HTR4: variants seen among roughly 807,000 people sequenced by gnomAD.
HTR4 encodes the protein 5-hydroxytryptamine (serotonin) receptor 4, G protein-coupled.
HTR4 carries 16 observed loss-of-function variants against 36.8 expected under a neutral mutation model. That is an observed-to-expected ratio of 0.43 (90% CI 0.29 to 0.66). The LOEUF (loss-of-function observed/expected upper bound fraction) is 0.66. Among genes scored for constraint, HTR4 ranks in the 30% least tolerant of loss-of-function variants. HTR4 has a pLI of 0.13. For synonymous variants in HTR4, 189 were observed against 185.1 expected, an observed-to-expected ratio of 1.02 and a Z score of -0.17; for missense variants, 438 against 490.9, an observed-to-expected ratio of 0.89 and a Z score of 1.02.
At chr5:148,476,746 C>T, downstream of HTR4, 2 of 1,613,268 alleles carry the variant, frequency 1.2e-6, no homozygotes, top group Non-Finnish European at 1.7e-6. Flanking sequence ...AGCTCAAAAT[C>T]TGGTAGGAGA....
At chr5:148,597,299 G>T (rs1297153255) in intron 2 of HTR4, among the ~76,000 whole-genome samples, 1 of 152,196 alleles carries the variant, frequency 6.6e-6, no homozygotes, top group Non-Finnish European at 1.5e-5. Context: ...AAGAAACTCA[G>T]TTCTTTACAC....
intron 6 of HTR4, chr5:148,490,982 T>G (rs1756398343): frequency 5.5e-6 from 2 of 363,062 alleles, no homozygotes; most frequent in African/African-American, 4.3e-5. Flanking sequence ...CTTCTGAACA[T>G]ACTCCGGCTT....
intron 2 of HTR4, among the ~76,000 whole-genome samples, chr5:148,592,219 C>G (rs1671976146): frequency 6.6e-6 from 1 of 152,032 alleles, no homozygotes; most frequent in Admixed American, 6.6e-5. Context: ...ACAACAAACA[C>G]TGGAATCTAC....
chr5:148,523,896 C>A (rs1199113633), intron 4 of HTR4, among the ~76,000 whole-genome samples: 1 of 152,056 alleles, frequency 6.6e-6, no homozygotes, highest in Non-Finnish European at 1.5e-5. Context: ...TTGAGGTGAC[C>A]CAGGCATAGC....
In HTR4 at chr5:148,654,113, C is replaced by T; in HGVS notation, c.-99G>A. ...TGCCCTGGCAGATTCGAGCGGCCAC[C>T]CCCAGCCGCTGAGCCGAGCTTCTGC... is the stretch of plus-strand genomic sequence containing the variant. On this transcript the variant is annotated 5_prime_UTR_variant, in exon 1 of 7. Coordinates refer to ENST00000377888, the MANE Select transcript of HTR4 (RefSeq NM_000870.7). 3.0e-6 allele frequency: 3 copies of T among 985,582 alleles called. No homozygotes were observed. The highest frequency in any genetic ancestry group is 3.6e-6 in the Non-Finnish European group (3 of 830,022). 61.1% of individuals were successfully genotyped at this position (985,582 alleles called of 1,614,324 possible). A position where few individuals can be genotyped will look rare whatever the true frequency, so the allele number is the denominator to read the frequency against.
chr5:148,528,748 A>G (rs1197576970), intron 4 of HTR4, among the ~76,000 whole-genome samples: 1 of 152,110 alleles, frequency 6.6e-6, no homozygotes, highest in Non-Finnish European at 1.5e-5. Context: ...CTGACCTATC[A>G]TGAACTATTC....
At chr5:148,604,475 C>T (rs1752059578) in intron 2 of HTR4, among the ~76,000 whole-genome samples, 2 of 152,086 alleles carry the variant, frequency 1.3e-5, no homozygotes, top group Admixed American at 6.6e-5. Context: ...ATACACATAG[C>T]CTGTGATCTA....
At chr5:148,490,984 C>T (rs1756398532) in intron 6 of HTR4, 2 of 361,770 alleles carry the variant, frequency 5.5e-6, no homozygotes, top group Non-Finnish European at 1.1e-5. Context: ...TCTGAACATA[C>T]TCCGGCTTGT....
chr5:148,471,815 T>A (rs976614681), downstream of HTR4, among the ~76,000 whole-genome samples: 4 of 152,224 alleles, frequency 2.6e-5, no homozygotes, highest in Non-Finnish European at 5.9e-5. Flanking sequence ...TATGTCCAGA[T>A]TTTTAGGGAA....
chr5:148,472,933 G>A (rs1423170040), downstream of HTR4, among the ~76,000 whole-genome samples: 1 of 152,046 alleles, frequency 6.6e-6, no homozygotes. Flanking sequence ...TTTTCTTTTT[G>A]TATTTATTGT....
At chr5:148,613,380 G>C (rs1023105232) in intron 2 of HTR4, among the ~76,000 whole-genome samples, 17 of 149,634 alleles carry the variant, frequency 1.1e-4, no homozygotes, top group Middle Eastern at 3.2e-3. Context: ...TTCAATATAC[G>C]CAAATTAATA....
intron 5 of HTR4, among the ~76,000 whole-genome samples, chr5:148,455,679 G>A (rs1303154723): frequency 6.6e-6 from 1 of 152,124 alleles, no homozygotes; most frequent in Non-Finnish European, 1.5e-5. Context: ...CCCCTGTGCA[G>A]TTGAAAAATC....
At chr5:148,578,982 C>T (rs184589844) in intron 2 of HTR4, among the ~76,000 whole-genome samples, 2 of 152,076 alleles carry the variant, frequency 1.3e-5, no homozygotes, top group East Asian at 3.9e-4. Context: ...AGTCATCCTT[C>T]AGAAACTCTA....
intron 4 of HTR4, among the ~76,000 whole-genome samples, chr5:148,541,650 T>C (rs1343816487): frequency 1.3e-5 from 2 of 152,182 alleles, no homozygotes; most frequent in African/African-American, 2.4e-5. Context: ...GGTAGCAACA[T>C]GCAGTTATGA....
chr5:148,609,719 C>G (rs1482113846), intron 2 of HTR4, among the ~76,000 whole-genome samples: 2 of 152,080 alleles, frequency 1.3e-5, no homozygotes, highest in Non-Finnish European at 2.9e-5. Flanking sequence ...GCGCCCACCA[C>G]CATGCCCGGC....
chr5:148,506,013 G>A (rs886234541), intron 6 of HTR4, among the ~76,000 whole-genome samples: 10 of 152,058 alleles, frequency 6.6e-5, no homozygotes, highest in Admixed American at 1.3e-4. Context: ...CAGAGAATTG[G>A]AAAAAACTAC....
At chr5:148,599,171 T>C (rs1006143200) in intron 2 of HTR4, among the ~76,000 whole-genome samples, 1 of 152,010 alleles carries the variant, frequency 6.6e-6, no homozygotes, top group Non-Finnish European at 1.5e-5. Flanking sequence ...TGGTGCAAGG[T>C]ATATGCAATT....
chr5:148,482,887 G>C lies in HTR4; in HGVS notation c.*316C>G. The C allele has an allele frequency of 1.6e-6, 2 of 1,244,344 alleles. No individual in the cohort carries two copies. Among genetic ancestry groups the C allele is most frequent in the Non-Finnish European group, 2.0e-6 (2 of 981,100 alleles). 77.1% of individuals were successfully genotyped at this position (1,244,344 alleles called of 1,614,324 possible). On this transcript the variant is annotated 3_prime_UTR_variant, in exon 7 of 7. Coordinates refer to ENST00000377888, the MANE Select transcript of HTR4 (RefSeq NM_000870.7). Reference sequence around the variant, plus strand: ...GCAAGCTATCGTGCTTAGAACGTGAGTGAGACAGATCAGACACAGTGAGTG... The same window carrying C: ...GCAAGCTATCGTGCTTAGAACGTGACTGAGACAGATCAGACACAGTGAGTG...
At chr5:148,555,740 A>G (rs1759918882) in intron 2 of HTR4, among the ~76,000 whole-genome samples, 1 of 152,120 alleles carries the variant, frequency 6.6e-6, no homozygotes, top group Admixed American at 6.6e-5. Context: ...TTGATCCATT[A>G]ATAAACTCCA....
Sources: gnomAD v4.1 joint callset for allele counts (sites outside exome capture counted in the v4.1 genomes callset) on GRCh38, gnomAD v4.1.1 for gene constraint, MANE v1.5 for transcripts, NCBI Gene and HGNC (gene_info 2026-07-23, HGNC 2026-07-21) for gene names.